Variants in C1orf167 observed in about 807,000 individuals in gnomAD.
C1orf167 encodes uncharacterized protein C1orf167.
In C1orf167, 153 loss-of-function variants were observed where a neutral mutation model predicts 176.5. The observed-to-expected ratio is 0.87, with a 90% CI of 0.76 to 0.99. C1orf167 has a LOEUF of 0.99. Among genes scored for constraint, C1orf167 ranks in the 50% least tolerant of loss-of-function variants. C1orf167 has a pLI of 0.00. For synonymous variants in C1orf167, 594 were observed against 752.7 expected (o/e 0.79, Z 3.45); for missense variants, 1,490 against 1,817.7 (o/e 0.82, Z 3.28).
At chr1:11,787,014 C>T (rs936523336) in intron 16 of C1orf167, 4 of 153,234 alleles carry the variant, frequency 2.6e-5, no homozygotes, top group Non-Finnish European at 5.8e-5. Context: ...TCCAGGGTCT[C>T]CTCTTTTCTG....
chr1:11,771,462 G>A, intron 6 of C1orf167, 62 bp from the exon 7 acceptor site: 2 of 1,114,230 alleles, frequency 1.8e-6, no homozygotes, highest in South Asian at 2.6e-5. Context: ...GGGCGGACAG[G>A]TTGGGACCGA....
At position 11,782,216 on chromosome 1, in the gene C1orf167, A is replaced by G; in HGVS notation, c.2888A>G (p.Gln963Arg). Residue 963 changes from glutamine to arginine, a missense_variant, in exon 14 of 21, where the codon CAG (glutamine) becomes CGG (arginine). Transcript: ENST00000688073. ...CAGCAGTTCCTGCATGAAAAGTGCC[A>G]GACATGGGTGCAGGTCCACCTCCAG... is the stretch of plus-strand genomic sequence containing the variant. ...QGQQFLHEKC[Q>R]TWVQVHLQGL... 1 of 1,295,466 alleles carries G rather than the reference A, an allele frequency of 7.7e-7. No individual in the cohort carries two copies. The allele number at this position is 1,295,466 out of a possible 1,614,324, so 80.2% of individuals were successfully genotyped here.
chr1:11,768,238 A>G lies in C1orf167; in HGVS notation c.1505A>G (p.Gln502Arg), dbSNP rs752242734. The change falls in exon 5 of 21, where the codon CAG (glutamine) becomes CGG (arginine). Residue 502 changes from glutamine to arginine, a missense_variant. Transcript: ENST00000688073. This position sits in a 1 kb window ranked among gnomAD's most constrained non-coding sequence, Gnocchi z 4.5. ...REAQLEAAWG[Q>R]YTKVLLVRSF... ...GCTCAGCTGGAGGCAGCATGGGGGCAGTACACAAAGGTTCTGCTGGTCCGG... is the reference window on the plus strand; with the variant it reads ...GCTCAGCTGGAGGCAGCATGGGGGCGGTACACAAAGGTTCTGCTGGTCCGG... 1.2e-3 allele frequency: 1,605 copies of G among 1,289,934 alleles called. 4 individuals are homozygous for G. Among genetic ancestry groups the G allele is most frequent in the Non-Finnish European group, 1.5e-3 (1,492 of 988,860 alleles). 79.9% of individuals were successfully genotyped at this position (1,289,934 alleles called of 1,614,324 possible).
chr1:11,784,380 A>G lies in C1orf167; in HGVS notation c.3212A>G (p.Gln1071Arg). The G allele has an allele frequency of 7.7e-7, 1 of 1,304,122 alleles. No homozygotes were observed. The highest frequency in any genetic ancestry group is 1.0e-6 in the Non-Finnish European group (1 of 988,886). 80.8% of individuals were successfully genotyped at this position (1,304,122 alleles called of 1,614,324 possible). A position where few individuals can be genotyped will look rare whatever the true frequency, so the allele number is the denominator to read the frequency against. ...ARWRSCGQQG[Q>R]EDGQQKKARA... is the part of the protein sequence containing the mutation. ...TGGAGAAGCTGCGGGCAGCAAGGCC[A>G]GGAAGATGGGCAGCAGAAGAAGGCC... The change falls in exon 15 of 21, where the codon CAG becomes CGG. Residue 1071 changes from glutamine (Q) to arginine (R), a missense_variant. Coordinates refer to ENST00000688073, the MANE Select transcript of C1orf167 (RefSeq NM_001010881.2).
Position 11,766,771 on chromosome 1 carries a change from A to G in C1orf167, c.985A>G (p.Thr329Ala), listed in dbSNP as rs1310685859. The stretch of plus-strand genomic sequence containing the variant: ...ACAAAGCAAGCTAATGTCACCTGAG[A>G]CCACTTTGGGGACACGGACCAAGGA... ...WAQSKLMSPE[T>A]TLGTRTKDSL... The change falls in exon 3 of 21, where the codon ACC (threonine) becomes GCC (alanine). Residue 329 changes from threonine to alanine, a missense_variant. Thr to Ala is a moderately conservative substitution (Grantham distance 58). Transcript: ENST00000688073. The surrounding 1 kb of genome is among the most constrained non-coding windows in gnomAD (Gnocchi z 4.5). 13 of 1,289,584 alleles carry G rather than the reference A, an allele frequency of 1.0e-5. No homozygotes were observed. Among genetic ancestry groups the G allele is most frequent in the African/African-American group, 1.5e-5 (1 of 65,800 alleles). The allele number at this position is 1,289,584 out of a possible 1,614,324, so 79.9% of individuals were successfully genotyped here. A position where few individuals can be genotyped will look rare whatever the true frequency, so the allele number is the denominator to read the frequency against.
chr1:11,762,210 G>GCGACCTGC lies in C1orf167; in HGVS notation c.-157_-150dup. Reference sequence around the variant, plus strand: ...TGCTCTCCGACGTCCCCTCCCGCCCGCGACCTGCCGACCTGCGGGGATCGT... The same window carrying GCGACCTGC: ...TGCTCTCCGACGTCCCCTCCCGCCCGCGACCTGCCGACCTGCCGACCTGCGGGGATCGT... On this transcript the variant is annotated 5_prime_UTR_variant, in exon 1 of 21. Transcript: ENST00000688073. 2.2e-6 allele frequency: 1 copy of GCGACCTGC among 447,770 alleles called. No individual in the cohort carries two copies. Among genetic ancestry groups the GCGACCTGC allele is most frequent in the South Asian group, 1.6e-5 (1 of 64,260 alleles). 27.7% of individuals were successfully genotyped at this position (447,770 alleles called of 1,614,324 possible).
chr1:11,764,995 A>C (rs559863890), intron 2 of C1orf167, among the ~76,000 whole-genome samples: 1 of 126,776 alleles, frequency 7.9e-6, no homozygotes, highest in East Asian at 2.8e-4. Context: ...CGGAGGTTGT[A>C]GTGAGCCGAG....
At position 11,762,310 on chromosome 1, in the gene C1orf167, G is replaced by A. The variant is rs1642544360; in HGVS notation, c.-71+5G>A. On this transcript the variant is annotated splice_donor_5th_base_variant and intron_variant, in intron 1 of 20. Coordinates refer to ENST00000688073, the MANE Select transcript of C1orf167 (RefSeq NM_001010881.2). ...ACCCGAGGAGGACCCACGCACGTGA[G>A]GGCAGATCCATGAGGGCAGGAAACT... is the stretch of plus-strand genomic sequence containing the variant. 2.6e-6 allele frequency: 1 copy of A among 383,596 alleles called. No individual in the cohort carries two copies. The highest frequency in any genetic ancestry group is 2.1e-5 in the African/African-American group (1 of 47,794). The allele number at this position is 383,596 out of a possible 1,614,324, so 23.8% of individuals were successfully genotyped here.
chr1:11,782,290 C>T lies in C1orf167; in HGVS notation c.2962C>T (p.Gln988Ter), dbSNP rs373063964. 2 of 1,297,502 alleles carry T rather than the reference C, an allele frequency of 1.5e-6. No individual in the cohort carries two copies. Among genetic ancestry groups the T allele is most frequent in the African/African-American group, 1.5e-5 (1 of 65,510 alleles). The allele number at this position is 1,297,502 out of a possible 1,614,324, so 80.4% of individuals were successfully genotyped here. A position where few individuals can be genotyped will look rare whatever the true frequency, so the allele number is the denominator to read the frequency against. ...GAGCTGGCAGCAGGCAGCAGCTCATCAGAGATGCACAGTGACCCGGCCAGA... is the reference window on the plus strand; with the variant it reads ...GAGCTGGCAGCAGGCAGCAGCTCATTAGAGATGCACAGTGACCCGGCCAGA... ...FRSWQQAAAH[Q>*]RCTVTRPEQL... Residue 988 changes from glutamine (Q) to a stop codon, truncating the protein, a stop_gained, in exon 14 of 21, where the codon CAG becomes TAG. Transcript: ENST00000688073. LOFTEE classifies it high-confidence loss of function.
chr1:11,764,874 G>T (rs1347860221), intron 2 of C1orf167, among the ~76,000 whole-genome samples: 1 of 152,054 alleles, frequency 6.6e-6, no homozygotes, highest in Non-Finnish European at 1.5e-5. Context: ...GGCCAATGTG[G>T]TGAAACTGCG....
rs969839016 is a variant in C1orf167, at chr1:11,788,372, G to C, written c.4072G>C (p.Asp1358His). The change falls in exon 19 of 21, where the codon GAC (aspartate) becomes CAC (histidine). Residue 1358 changes from aspartate to histidine, a missense_variant. Asp to His is a moderately conservative substitution (Grantham distance 81). Transcript: ENST00000688073. ...GCPRGRAAGA[D>H]PAQGVAPEMG... ...CCCAAGGGGCAGAGCAGCTGGTGCG[G>C]ACCCTGGTGAGTGGGTGCACCCCTC... The C allele has an allele frequency of 7.7e-7, 1 of 1,292,440 alleles. No individual in the cohort carries two copies. Among genetic ancestry groups the C allele is most frequent in the Admixed American group, 2.3e-5 (1 of 43,300 alleles). The allele number at this position is 1,292,440 out of a possible 1,614,324, so 80.1% of individuals were successfully genotyped here.
intron 1 of C1orf167, among the ~76,000 whole-genome samples, chr1:11,763,317 T>C (rs901196914): frequency 1.3e-5 from 2 of 152,008 alleles, no homozygotes; most frequent in East Asian, 1.9e-4. Flanking sequence ...GGCATGTGCC[T>C]GTGGTTCCAG....
intron 1 of C1orf167, among the ~76,000 whole-genome samples, chr1:11,763,563 C>A (rs1266631882): frequency 6.6e-6 from 1 of 152,076 alleles, no homozygotes; most frequent in Admixed American, 6.5e-5. Context: ...TAACTTTATT[C>A]ACATAATAGA....
chr1:11,762,920 A>G (rs2100209210), intron 1 of C1orf167, among the ~76,000 whole-genome samples: 1 of 152,298 alleles, frequency 6.6e-6, no homozygotes, highest in South Asian at 2.1e-4. Flanking sequence ...CAGGGCAAAG[A>G]GAGTGAGGAG....
chr1:11,770,345 G>A (rs926701731), intron 6 of C1orf167, among the ~76,000 whole-genome samples: 1 of 151,634 alleles, frequency 6.6e-6, no homozygotes, highest in Admixed American at 6.6e-5. Context: ...TTTCTGATGT[G>A]TATTTTACCA....
intron 3 of C1orf167, 27 bp from the exon 4 acceptor site, chr1:11,767,194 C>T: frequency 7.8e-7 from 1 of 1,289,602 alleles, no homozygotes; most frequent in Non-Finnish European, 1.0e-6. Context: ...GGCCTGAGAA[C>T]TGTGTTATGT....
intron 16 of C1orf167, among the ~76,000 whole-genome samples, chr1:11,785,501 C>T (rs950739699): frequency 2.0e-5 from 3 of 152,186 alleles, no homozygotes; most frequent in Non-Finnish European, 2.9e-5. Context: ...AGGGGCCCAG[C>T]AACCTCGTAT....
At chr1:11,780,109 G>A (rs190541878) in intron 13 of C1orf167, 99 bp downstream of exon 13, 18 of 930,508 alleles carry the variant, frequency 1.9e-5, no homozygotes, top group African/African-American at 5.2e-5. Flanking sequence ...GACTGTAACC[G>A]CATGGGAGAA....
chr1:11,778,956 C>T lies in C1orf167; in HGVS notation c.2527C>T (p.Leu843Phe). The stretch of plus-strand genomic sequence containing the variant: ...CAGGGCCCCCACCCTCCCGGACACT[C>T]TCCAGGGGAGCCTTCTGTGGGCAGC... Reference protein sequence around the residue: ...VPRAPTLPDTLQGSLLWAAGQ... With the variant: ...VPRAPTLPDTFQGSLLWAAGQ... Residue 843 changes from leucine (L) to phenylalanine (F), a missense_variant, in exon 12 of 21, where the codon CTC becomes TTC. By Grantham distance (22) the Leu-to-Phe change is conservative. Transcript: ENST00000688073. 7.7e-7 allele frequency: 1 copy of T among 1,303,946 alleles called. No homozygotes were observed. The highest frequency in any genetic ancestry group is 1.0e-6 in the Non-Finnish European group (1 of 988,746). 80.8% of individuals were successfully genotyped at this position (1,303,946 alleles called of 1,614,324 possible).
Sources: allele counts gnomAD v4.1 joint callset (sites outside exome capture counted in the v4.1 genomes callset), GRCh38; gene constraint gnomAD v4.1.1; non-coding constraint Gnocchi (gnomAD v3.1); transcripts MANE v1.5; gene names NCBI Gene and HGNC (gene_info 2026-07-23, HGNC 2026-07-21).